Variants in GLRA2 observed in about 807,000 individuals in gnomAD.
GLRA2 encodes glycine receptor subunit alpha-2.
In GLRA2, 11 loss-of-function variants were observed where a neutral mutation model predicts 31.6. The ratio of observed to expected loss-of-function variants is 0.35; its 90% CI spans 0.22 to 0.58. The LOEUF (loss-of-function observed/expected upper bound fraction) is 0.58, where lower values mean the gene tolerates loss of function less well. Among genes scored for constraint, GLRA2 ranks in the 20% least tolerant of loss-of-function variants. GLRA2 has a pLI of 0.84. For synonymous variants in GLRA2, 132 were observed against 134.0 expected, an observed-to-expected ratio of 0.99 and a Z score of 0.10; for missense variants, 212 against 351.8, an observed-to-expected ratio of 0.60 and a Z score of 3.18.
rs758722703 is a variant in GLRA2 at position 14,724,626 on chromosome X, CAAAAAAAAAAAAAAA to C, written c.1081-5569_1081-5555del. Among the ~76,000 whole-genome samples, 3 of 49,583 alleles carry C rather than the reference CAAAAAAAAAAAAAAA, an allele frequency of 6.1e-5. No individual in the cohort carries two copies. The East Asian group carries it at 5.8e-3, about 95-fold the overall frequency. The allele number at this position is 49,583 out of a possible 115,157, so 43.1% of individuals were successfully genotyped here. On this transcript the variant is annotated intron_variant, in intron 8 of 8. Transcript: ENST00000218075. The stretch of plus-strand genomic sequence containing the variant: ...GGGTGACAAAAGCAAAACTCTGTCT[CAAAAAAAAAAAAAAA>C]AAAAAAAAAAACAAGAAGAAGAATG...
intron 2 of GLRA2, among the ~76,000 whole-genome samples, chrX:14,560,782 A>G (rs2089717130): frequency 1.1e-5 from 1 of 92,279 alleles, no homozygotes; most frequent in African/African-American, 4.0e-5. Context: ...TGGGGGACAG[A>G]GAGAGACCCT....
At chrX:14,451,780 T>G in the GLRA2 span, among the ~76,000 whole-genome samples, 2 of 106,775 alleles carry the variant, frequency 1.9e-5, no homozygotes, top group Admixed American at 2.0e-4. Flanking sequence ...GAAAGACCTA[T>G]CATGCAAATG....
At chrX:14,693,115 T>C (rs1356957649) in intron 8 of GLRA2, among the ~76,000 whole-genome samples, 2 of 108,728 alleles carry the variant, frequency 1.8e-5, no homozygotes, top group Admixed American at 2.0e-4. Context: ...AAGTGGTAGA[T>C]TAAACCCAAA....
chrX:14,526,522 C>G (rs2089188100), upstream of GLRA2, among the ~76,000 whole-genome samples: 1 of 111,078 alleles, frequency 9.0e-6, no homozygotes, highest in African/African-American at 3.3e-5. Flanking sequence ...CAACTGGGGT[C>G]ATGGAGGTTG....
intron 8 of GLRA2, among the ~76,000 whole-genome samples, chrX:14,691,221 T>C (rs1488229253): frequency 1.3e-4 from 14 of 111,143 alleles, no homozygotes; most frequent in Non-Finnish European, 2.6e-4. Flanking sequence ...TGGGGATATA[T>C]ACTTGATTTG....
At chrX:14,462,734 A>G in the GLRA2 span, among the ~76,000 whole-genome samples, 3 of 111,546 alleles carry the variant, frequency 2.7e-5, no homozygotes, top group Non-Finnish European at 5.6e-5. Flanking sequence ...TGTTCTAGTT[A>G]GCCATTCATT....
At chrX:14,546,947 G>T (rs1023934809) in intron 2 of GLRA2, among the ~76,000 whole-genome samples, 4 of 111,680 alleles carry the variant, frequency 3.6e-5, no homozygotes, top group African/African-American at 1.3e-4. Flanking sequence ...TACCCTCTCA[G>T]TGTCTAACTT....
At chrX:14,627,743 G>A (rs898841929) in intron 7 of GLRA2, among the ~76,000 whole-genome samples, 1 of 111,615 alleles carries the variant, frequency 9.0e-6, no homozygotes, top group Non-Finnish European at 1.9e-5. Flanking sequence ...TCATTGGAGA[G>A]AATCTGAAGG....
the GLRA2 span, among the ~76,000 whole-genome samples, chrX:14,476,108 C>T: frequency 8.9e-6 from 1 of 111,785 alleles, no homozygotes; most frequent in South Asian, 3.7e-4. Context: ...GCATTTCCAA[C>T]AAGTTCCTGG....
At chrX:14,653,009 T>C (rs1477451315) in intron 7 of GLRA2, among the ~76,000 whole-genome samples, 2 of 110,684 alleles carry the variant, frequency 1.8e-5, no homozygotes, top group Non-Finnish European at 3.8e-5. Context: ...AGGGAACACC[T>C]AAATGAATAT....
At chrX:14,555,246 T>A (rs1367894356) in intron 2 of GLRA2, among the ~76,000 whole-genome samples, 2 of 111,763 alleles carry the variant, frequency 1.8e-5, no homozygotes, top group African/African-American at 6.5e-5. Context: ...AGGAAAGAGA[T>A]GGTAACAGAA....
At chrX:14,720,056 G>A (rs2091844919) in intron 8 of GLRA2, among the ~76,000 whole-genome samples, 1 of 111,300 alleles carries the variant, frequency 9.0e-6, no homozygotes, top group South Asian at 3.8e-4. Flanking sequence ...AAGGAGTGAG[G>A]AATAGGGACA....
chrX:14,639,371 A>T (rs1443107714), intron 7 of GLRA2, among the ~76,000 whole-genome samples: 1 of 111,791 alleles, frequency 8.9e-6, no homozygotes, highest in African/African-American at 3.2e-5. Context: ...TTCAATATGT[A>T]TTTGTTGAAT....
chrX:14,564,943 AC>A (rs1370466180), intron 2 of GLRA2, among the ~76,000 whole-genome samples: 1 of 111,349 alleles, frequency 9.0e-6, no homozygotes, highest in African/African-American at 3.3e-5. Flanking sequence ...ATGGTTCACT[AC>A]AAAAAAAATC....
At chrX:14,503,868 T>A in the GLRA2 span, among the ~76,000 whole-genome samples, 1 of 111,962 alleles carries the variant, frequency 8.9e-6, no homozygotes, top group Non-Finnish European at 1.9e-5. Context: ...ATTATTTTTT[T>A]AAAATTCCCA....
upstream of GLRA2, among the ~76,000 whole-genome samples, chrX:14,525,530 ATATTT>A (rs1298676452): frequency 8.9e-6 from 1 of 111,734 alleles, no homozygotes; most frequent in Non-Finnish European, 1.9e-5. Flanking sequence ...CTACATAGAA[ATATTT>A]TATGTAACAT....
the GLRA2 span, among the ~76,000 whole-genome samples, chrX:14,471,192 C>A: frequency 9.0e-6 from 1 of 111,698 alleles, no homozygotes; most frequent in South Asian, 3.7e-4. Context: ...TTTGATTAAA[C>A]ACATTAATGA....
Position 14,609,019 on chromosome X carries a change from T to C in GLRA2, c.744T>C (p.Phe248=). 8.6e-7 allele frequency: 1 copy of C among 1,161,658 alleles called. No homozygotes were observed. The highest frequency in any genetic ancestry group is 1.8e-5 in the African/African-American group (1 of 56,664). ...TGKFTCIEVK[F]HLERQMGYYL... Reference sequence around the variant, plus strand: ...AGTTTACCTGCATTGAGGTCAAGTTTCATCTGGAACGCCAAATGGGATATT... The same window carrying C: ...AGTTTACCTGCATTGAGGTCAAGTTCCATCTGGAACGCCAAATGGGATATT... The change falls in exon 7 of 9, where the codon TTT becomes TTC. Residue 248 remains phenylalanine, a synonymous_variant. Coordinates refer to ENST00000218075, the MANE Select transcript of GLRA2 (RefSeq NM_002063.4).
At chrX:14,604,057 G>A (rs1158235723) in intron 4 of GLRA2, among the ~76,000 whole-genome samples, 1 of 110,271 alleles carries the variant, frequency 9.1e-6, no homozygotes, top group East Asian at 2.8e-4. Context: ...ACCATTTTGG[G>A]GGAAGGAGGG....
Sources: allele counts gnomAD v4.1 joint callset (sites outside exome capture counted in the v4.1 genomes callset), GRCh38; gene constraint gnomAD v4.1.1; transcripts MANE v1.5; gene names NCBI Gene and HGNC (gene_info 2026-07-23, HGNC 2026-07-21).